The following FAT4 variants were observed in gnomAD, a reference collection of about 807,000 sequenced individuals.
FAT4 encodes FAT atypical cadherin 4.
Under a neutral mutation model 303.9 loss-of-function variants are expected in FAT4, and 84 were observed. The ratio of observed to expected loss-of-function variants is 0.28; its 90% CI spans 0.23 to 0.33. The LOEUF (loss-of-function observed/expected upper bound fraction) is 0.33. FAT4 is among the 10% of genes least tolerant of loss of function. The pLI, the probability that FAT4 is intolerant of heterozygous loss-of-function variation, is 1.00. For missense variants in FAT4, 6,005 were observed against 6,146.8 expected (o/e 0.98, Z 0.77); for synonymous variants, 2,307 against 2,298.8 (o/e 1.00, Z -0.10).
intron 2 of FAT4, among the ~76,000 whole-genome samples, chr4:125,332,040 C>T (rs1462796261): frequency 6.6e-6 from 1 of 151,996 alleles, no homozygotes; most frequent in Non-Finnish European, 1.5e-5. Flanking sequence ...AACAATGGCA[C>T]TCTATAAAGT....
chr4:125,354,884 G>T, intron 2 of FAT4, among the ~76,000 whole-genome samples: 1 of 151,732 alleles, frequency 6.6e-6, no homozygotes. Flanking sequence ...AGTACTCCTA[G>T]TATGGTTTCT....
At position 125,408,696 on chromosome 4, in the gene FAT4, C is replaced by A. The variant is rs771880094; in HGVS notation, c.5822C>A (p.Pro1941Gln). The A allele has an allele frequency of 2.5e-6, 4 of 1,610,402 alleles. No individual in the cohort carries two copies. Among genetic ancestry groups the A allele is most frequent in the Non-Finnish European group, 3.4e-6 (4 of 1,177,162 alleles). The change falls in exon 5 of 18, where the codon CCA (proline) becomes CAA (glutamine). Residue 1941 changes from proline to glutamine, a missense_variant. Pro to Gln is a moderately conservative substitution (Grantham distance 76, BLOSUM62 -1). Transcript: ENST00000394329. ...YFNILDVNDN[P>Q]PIFSLNSYST... ...AATATTCTAGATGTAAATGATAATC[C>A]ACCTATTTTCAGCTTGAATTCATAC...
rs546625837 is a variant in FAT4, at chr4:125,374,558, A to G, written c.5176-24226A>G. Among the ~76,000 whole-genome samples, 215 of 152,336 alleles carry G rather than the reference A, an allele frequency of 1.4e-3. 2 individuals carry two copies. The highest frequency in any genetic ancestry group is 4.9e-3 in the African/African-American group (202 of 41,584). ...CAAAACGACCCTTACTTATTTTTAA[A>G]GAAATTTGAAAAATATAATTCACAT... On this transcript the variant is annotated intron_variant, in intron 2 of 17. Transcript: ENST00000394329.
intron 2 of FAT4, among the ~76,000 whole-genome samples, chr4:125,386,378 A>G (rs929759335): frequency 8.5e-5 from 13 of 152,118 alleles, no homozygotes; most frequent in Non-Finnish European, 1.6e-4. Context: ...CTGGGGTTCA[A>G]GTGATTCTCC....
At chr4:125,407,641 T>C (rs542596972) in intron 4 of FAT4, among the ~76,000 whole-genome samples, 167 of 152,252 alleles carry the variant, frequency 1.1e-3, no homozygotes, top group South Asian at 6.4e-3. Flanking sequence ...AGAAAGTACA[T>C]TGAGTTTGCT....
At chr4:125,405,857 C>A (rs1734580649) in intron 3 of FAT4, among the ~76,000 whole-genome samples, 1 of 152,006 alleles carries the variant, frequency 6.6e-6, no homozygotes, top group African/African-American at 2.4e-5. Flanking sequence ...AAGACCTTAA[C>A]CATTTTTTTA....
chr4:125,317,227 G>A lies in FAT4; in HGVS notation c.816G>A (p.Val272=). The A allele has an allele frequency of 6.3e-7, 1 of 1,581,580 alleles. No homozygotes were observed. The highest frequency in any genetic ancestry group is 1.2e-5 in the South Asian group (1 of 86,762). ...TTGTGGGTTCCAGCGTCCTCCAGGT[G>A]GCGGCGGCGGACGCGGACGAGGGCA... is the stretch of plus-strand genomic sequence containing the variant. The part of the protein sequence containing the change: ...DAVVGSSVLQ[V]AAADADEGTN... Residue 272 remains valine, a synonymous_variant, in exon 2 of 18, where the codon GTG becomes GTA. Transcript: ENST00000394329. The surrounding 1 kb of genome is among the most constrained non-coding windows in gnomAD (Gnocchi z 7.0).
intron 2 of FAT4, among the ~76,000 whole-genome samples, chr4:125,390,105 G>A (rs910473456): frequency 9.2e-5 from 14 of 152,068 alleles, no homozygotes; most frequent in African/African-American, 1.9e-4. Context: ...CCATCCTTTC[G>A]TGGCAATACA....
rs557098534 is a variant in FAT4 at position 125,432,522 on chromosome 4, G to A, written c.7019-1723G>A. On this transcript the variant is annotated intron_variant, in intron 7 of 17. Transcript: ENST00000394329. ...AGTCTTATTTGATGTGTTTCTTATCGTATCCTACATTCATATCTATTTTGT... is the reference window on the plus strand; with the variant it reads ...AGTCTTATTTGATGTGTTTCTTATCATATCCTACATTCATATCTATTTTGT... 2.1e-3 allele frequency among the ~76,000 whole-genome samples: 317 copies of A among 152,064 alleles called. 1 individual carries two copies. The highest frequency in any genetic ancestry group is 4.0e-3 in the Admixed American group (61 of 15,268).
At chr4:125,397,224 A>T (rs1350124352) in intron 2 of FAT4, among the ~76,000 whole-genome samples, 1 of 152,056 alleles carries the variant, frequency 6.6e-6, no homozygotes, top group East Asian at 1.9e-4. Context: ...TATCATCAGG[A>T]TTTAGTCTTC....
chr4:125,441,105 C>T (rs182716894), intron 8 of FAT4, among the ~76,000 whole-genome samples: 1 of 152,190 alleles, frequency 6.6e-6, no homozygotes, highest in East Asian at 1.9e-4. Context: ...AGTACACTGT[C>T]CTGTAAAATT....
Position 125,491,463 on chromosome 4 carries a change from G to A in FAT4, c.14647G>A (p.Glu4883Lys), listed in dbSNP as rs1269584646. ...AGTCAATGAATCTGATGCAGATGAT[G>A]AAGATAATTATGGAGCCAGACTGAA... ...SQVNESDADD[E>K]DNYGARLKPR... The change falls in exon 18 of 18, where the codon GAA (glutamate) becomes AAA (lysine). Residue 4883 changes from glutamate to lysine, a missense_variant. Glu to Lys is a moderately conservative substitution (Grantham distance 56, BLOSUM62 1). Coordinates refer to ENST00000394329, the MANE Select transcript of FAT4 (RefSeq NM_001291303.3). 1.2e-6 allele frequency: 2 copies of A among 1,614,178 alleles called. No individual in the cohort carries two copies. Among genetic ancestry groups the A allele is most frequent in the African/African-American group, 2.7e-5 (2 of 75,058 alleles).
At chr4:125,483,935 CG>C (rs1727313091) in intron 16 of FAT4, among the ~76,000 whole-genome samples, 1 of 77,546 alleles carries the variant, frequency 1.3e-5, no homozygotes, top group Admixed American at 1.6e-4. Context: ...CCCAGGGTTC[CG>C]TTTTTTTTTT....
At position 125,452,284 on chromosome 4, in the gene FAT4, G is replaced by A; in HGVS notation, c.11274G>A (p.Glu3758=). ...TGCAACTGTACAGTGCATATGAAGA[G>A]AACAATAGAACGTTTCTTTTGGCAG... ...TAVQLYSAYE[E]NNRTFLLAAV... is the part of the protein sequence containing the mutation. Residue 3758 remains glutamate (E), a synonymous_variant, in exon 10 of 18, where the codon GAG becomes GAA. Transcript: ENST00000394329. 1 of 1,614,192 alleles carries A rather than the reference G, an allele frequency of 6.2e-7. No homozygotes were observed. The highest frequency in any genetic ancestry group is 8.5e-7 in the Non-Finnish European group (1 of 1,180,040).
At chr4:125,419,745 C>T (rs1735214251) in intron 7 of FAT4, among the ~76,000 whole-genome samples, 1 of 152,182 alleles carries the variant, frequency 6.6e-6, no homozygotes, top group South Asian at 2.1e-4. Flanking sequence ...GGCCCCAGCT[C>T]ACCCTTTGTC....
chr4:125,415,226 C>T lies in FAT4; in HGVS notation c.6263C>T (p.Thr2088Ile), dbSNP rs751898927. The T allele has an allele frequency of 1.2e-6, 2 of 1,614,090 alleles. No homozygotes were observed. Among genetic ancestry groups the T allele is most frequent in the Non-Finnish European group, 8.5e-7 (1 of 1,179,972 alleles). ...DSGPNSYIEY[T>I]LLNPLGNKFS... Reference sequence around the variant, plus strand: ...GGCCCAAACAGCTATATTGAGTACACTCTGCTGAACCCTTTGGGAAACAAG... The same window carrying T: ...GGCCCAAACAGCTATATTGAGTACATTCTGCTGAACCCTTTGGGAAACAAG... The change falls in exon 6 of 18, where the codon ACT (threonine) becomes ATT (isoleucine). Residue 2088 changes from threonine (T) to isoleucine (I), a missense_variant. Thr to Ile is a moderately conservative substitution (Grantham distance 89). Transcript: ENST00000394329.
intron 2 of FAT4, among the ~76,000 whole-genome samples, chr4:125,335,892 A>T (rs557699232): frequency 3.4e-4 from 52 of 152,182 alleles, no homozygotes; most frequent in Admixed American, 7.2e-4. Context: ...AAGTGTTGTG[A>T]GGAAAATGTG....
intron 2 of FAT4, among the ~76,000 whole-genome samples, chr4:125,353,144 C>A: frequency 6.6e-6 from 1 of 151,688 alleles, no homozygotes; most frequent in East Asian, 1.9e-4. Context: ...AAAATCGGAT[C>A]TTATTTTTCA....
At position 125,416,575 on chromosome 4, in the gene FAT4, G is replaced by T. The variant is rs200719060; in HGVS notation, c.6971G>T (p.Arg2324Leu). 3 of 1,613,890 alleles carry T rather than the reference G, an allele frequency of 1.9e-6. No homozygotes were observed. Among genetic ancestry groups the T allele is most frequent in the Non-Finnish European group, 2.5e-6 (3 of 1,179,878 alleles). Residue 2324 changes from arginine (R) to leucine (L), a missense_variant, in exon 7 of 18, where the codon CGG becomes CTG. Transcript: ENST00000394329. ...CTTGGAGTAACACAGAGTCTGGATC[G>T]GGAAACAAAAGAGCGCTTTGTCTTA... is the stretch of plus-strand genomic sequence containing the variant. ...GELGVTQSLD[R>L]ETKERFVLMI...
Sources: gnomAD v4.1 joint callset for allele counts (sites outside exome capture counted in the v4.1 genomes callset) on GRCh38, gnomAD v4.1.1 for gene constraint, Gnocchi (gnomAD v3.1) non-coding constraint, MANE v1.5 for transcripts, NCBI Gene and HGNC (gene_info 2026-07-23, HGNC 2026-07-21) for gene names.